The following NUP210L variants were observed in gnomAD, a reference collection of about 807,000 sequenced individuals.
NUP210L encodes nuclear pore membrane glycoprotein 210-like.
A neutral mutation model predicts 208.5 loss-of-function variants in NUP210L; 74 were observed. The observed-to-expected ratio is 0.35, with a 90% CI of 0.29 to 0.43. The LOEUF (loss-of-function observed/expected upper bound fraction) is 0.43, where lower values mean the gene tolerates loss of function less well. Among genes scored for constraint, NUP210L ranks in the 20% least tolerant of loss-of-function variants. NUP210L has a pLI of 1.00. For synonymous variants in NUP210L, 780 were observed against 816.9 expected, an observed-to-expected ratio of 0.95 and a Z score of 0.77; for missense variants, 1,843 against 2,289.4, an observed-to-expected ratio of 0.81 and a Z score of 3.98.
At chr1:153,995,416 C>T (rs1649783294) in intron 37 of NUP210L, among the ~76,000 whole-genome samples, 1 of 152,150 alleles carries the variant, frequency 6.6e-6, no homozygotes, top group Non-Finnish European at 1.5e-5. Context: ...ACCCAGCCTT[C>T]TTAGTAAGAG....
intron 6 of NUP210L, 57 bp from the exon 7 acceptor site, chr1:154,136,029 G>A: frequency 8.6e-7 from 1 of 1,159,566 alleles, no homozygotes; most frequent in Non-Finnish European, 1.3e-6. Flanking sequence ...AGTAGATAAT[G>A]ATGTATTCTT....
At chr1:154,005,779 A>C (rs1437007757) in intron 35 of NUP210L, among the ~76,000 whole-genome samples, 2 of 150,640 alleles carry the variant, frequency 1.3e-5, no homozygotes, top group Non-Finnish European at 2.9e-5. Flanking sequence ...GCTGGAGTGC[A>C]ATGGCGTGAT....
intron 33 of NUP210L, among the ~76,000 whole-genome samples, chr1:154,013,133 A>T (rs1337208866): frequency 6.6e-6 from 1 of 151,588 alleles, no homozygotes; most frequent in Non-Finnish European, 1.5e-5. Context: ...CCTGGCCGCA[A>T]GCCATCCTTC....
intron 12 of NUP210L, among the ~76,000 whole-genome samples, chr1:154,105,296 T>C (rs1296263050): frequency 3.3e-5 from 5 of 151,526 alleles, no homozygotes; most frequent in Non-Finnish European, 5.9e-5. Flanking sequence ...TCAAAACCAG[T>C]CTGGCCAACA....
chr1:154,128,280 G>A (rs1270718568), intron 8 of NUP210L, among the ~76,000 whole-genome samples: 1 of 152,012 alleles, frequency 6.6e-6, no homozygotes, highest in Non-Finnish European at 1.5e-5. Context: ...GAGCCCAGGA[G>A]TTTGAGACCA....
At chr1:154,084,000 G>A (rs1452043879) in intron 16 of NUP210L, among the ~76,000 whole-genome samples, 2 of 151,280 alleles carry the variant, frequency 1.3e-5, no homozygotes, top group Admixed American at 6.6e-5. Context: ...GTCTCAACAG[G>A]GTGGTAAACC....
exon 11 of NUP210L, chr1:154,118,711 G>A: frequency 6.2e-7 from 1 of 1,607,506 alleles, no homozygotes; most frequent in Middle Eastern, 1.7e-4. Context: ...AGGATGATGA[G>A]GAAATGCCAG....
chr1:154,070,130 A>G (rs139583848), intron 17 of NUP210L, 143 bp downstream of exon 17: 152 of 623,908 alleles, frequency 2.4e-4, no homozygotes, highest in Non-Finnish European at 1.9e-4. Context: ...CAGCAAACCA[A>G]CATGGCACAT....
chr1:154,073,954 C>A (rs1315873964), intron 16 of NUP210L, among the ~76,000 whole-genome samples: 1 of 151,708 alleles, frequency 6.6e-6, no homozygotes, highest in Non-Finnish European at 1.5e-5. Flanking sequence ...AACCTGAAAT[C>A]GGCCATGATG....
rs75177392 is a variant in NUP210L, at chr1:154,121,039, G to C, written c.1327-2231C>G. The stretch of plus-strand genomic sequence containing the variant: ...GAGATCTTCTTCAAGGATAGTCAGA[G>C]AAACTTTTAGATCTCTTATGGGGAT... On this transcript the variant is annotated intron_variant, in intron 10 of 39. Coordinates refer to ENST00000368559, the Ensembl canonical transcript of NUP210L. Among the ~76,000 whole-genome samples the C allele has an allele frequency of 2.2e-4, 34 of 152,128 alleles. No homozygotes were observed. In the East Asian group the frequency reaches 6.0e-3, roughly 27 times the overall value.
chr1:154,121,946 C>T (rs1657635015), intron 10 of NUP210L, among the ~76,000 whole-genome samples: 1 of 151,546 alleles, frequency 6.6e-6, no homozygotes, highest in Non-Finnish European at 1.5e-5. Context: ...AATACAAAAG[C>T]ATAAATGAAT....
intron 33 of NUP210L, among the ~76,000 whole-genome samples, chr1:154,017,919 GA>G (rs1651350710): frequency 6.6e-6 from 1 of 151,878 alleles, no homozygotes; most frequent in Non-Finnish European, 1.5e-5. Flanking sequence ...AAGGCAATCA[GA>G]ACTCTTAAGA....
intron 12 of NUP210L, among the ~76,000 whole-genome samples, chr1:154,108,724 A>G (rs1656897907): frequency 6.6e-6 from 1 of 151,760 alleles, no homozygotes; most frequent in Admixed American, 6.6e-5. Context: ...AAATGGCAGG[A>G]GTAAGTTCTT....
Position 154,094,285 on chromosome 1 carries a change from A to AAACAAC in NUP210L, c.2187+644_2187+649dup, listed in dbSNP as rs937819045. ...GCAACAGAGCAAGACTCCATCTCAA[A>AAACAAC]AACAACAACAACAACAACAAAAATT... On this transcript the variant is annotated intron_variant, in intron 15 of 39. Coordinates refer to ENST00000368559, the Ensembl canonical transcript of NUP210L. 2.0e-5 allele frequency among the ~76,000 whole-genome samples: 3 copies of AAACAAC among 151,532 alleles called. No individual in the cohort carries two copies. The East Asian group carries it at 5.8e-4, about 30-fold the overall frequency.
At chr1:154,100,141 T>C in exon 14 of NUP210L, 2 of 1,613,958 alleles carry the variant, frequency 1.2e-6, no homozygotes, top group South Asian at 1.1e-5. Context: ...GGTCTTTGAA[T>C]ACCTGTGAAT....
chr1:154,061,831 T>C (rs575073806), intron 17 of NUP210L, among the ~76,000 whole-genome samples, 157 bp from the exon 18 acceptor site: 18 of 152,160 alleles, frequency 1.2e-4, no homozygotes, highest in Non-Finnish European at 2.1e-4. Flanking sequence ...AAAAACTGTT[T>C]TTTGTTTTTG....
intron 27 of NUP210L, among the ~76,000 whole-genome samples, chr1:154,040,578 A>C (rs1032667600): frequency 6.6e-6 from 1 of 151,420 alleles, no homozygotes; most frequent in Non-Finnish European, 1.5e-5. Flanking sequence ...AGCCTCCCTA[A>C]GATTCTTTCT....
At chr1:154,138,907 T>A (rs553063198) in intron 5 of NUP210L, among the ~76,000 whole-genome samples, 6 of 152,216 alleles carry the variant, frequency 3.9e-5, no homozygotes, top group Non-Finnish European at 7.3e-5. Flanking sequence ...ATGTAAAATA[T>A]TAGGGAAAAT....
intron 38 of NUP210L, among the ~76,000 whole-genome samples, chr1:153,993,378 AAC>A (rs913246210): frequency 1.3e-5 from 2 of 151,504 alleles, no homozygotes; most frequent in Admixed American, 6.6e-5. Flanking sequence ...CATCCTGGCT[AAC>A]ACAGTGAAAC....
Sources: gnomAD v4.1 joint callset for allele counts (sites outside exome capture counted in the v4.1 genomes callset) on GRCh38, gnomAD v4.1.1 for gene constraint, MANE v1.5 for transcripts, NCBI Gene and HGNC (gene_info 2026-07-23, HGNC 2026-07-21) for gene names.